Variants in SLC25A26 observed in about 807,000 individuals in gnomAD.
SLC25A26 encodes the protein solute carrier family 25 member 26.
In SLC25A26, 36 loss-of-function variants were observed where a neutral mutation model predicts 37.8. The ratio of observed to expected loss-of-function variants is 0.95; its 90% CI spans 0.73 to 1.26. The LOEUF is 1.26. Ranked by LOEUF, SLC25A26 falls within the 50% of genes most tolerant of loss-of-function variation. SLC25A26 has a pLI of 0.00. For synonymous variants in SLC25A26, 129 were observed against 122.5 expected, an observed-to-expected ratio of 1.05 and a Z score of -0.35; for missense variants, 390 against 331.1, an observed-to-expected ratio of 1.18 and a Z score of -1.38.
intron 1 of SLC25A26, among the ~76,000 whole-genome samples, chr3:66,213,555 G>T (rs2071316701): frequency 6.6e-6 from 1 of 151,726 alleles, no homozygotes; most frequent in Non-Finnish European, 1.5e-5. Flanking sequence ...CCCCATACAT[G>T]CACAGCCTAT....
chr3:66,197,636 A>C (rs1258575753), intron 1 of SLC25A26, among the ~76,000 whole-genome samples: 1 of 152,066 alleles, frequency 6.6e-6, no homozygotes, highest in African/African-American at 2.4e-5. Flanking sequence ...GGTGAACTTG[A>C]GTGTCTGGTT....
intron 5 of SLC25A26, among the ~76,000 whole-genome samples, chr3:66,282,741 G>T (rs13070305): frequency 0.16 from 24,495 of 152,170 alleles, 2,380 homozygotes; most frequent in Non-Finnish European, 0.22. Flanking sequence ...CCGGTGTTCA[G>T]TGCTGTGAAT....
At chr3:66,236,044 T>C (rs2072263221) in intron 1 of SLC25A26, among the ~76,000 whole-genome samples, 1 of 152,106 alleles carries the variant, frequency 6.6e-6, no homozygotes, top group Non-Finnish European at 1.5e-5. Context: ...TCCAAGTAGC[T>C]GGACCTACAG....
upstream of SLC25A26, among the ~76,000 whole-genome samples, chr3:66,218,183 ATTG>A (rs1158246834): frequency 6.6e-6 from 1 of 151,120 alleles, no homozygotes; most frequent in Non-Finnish European, 1.5e-5. Context: ...ATGTCCGTTT[ATTG>A]TTGAGTGATG....
chr3:66,149,058 G>A (rs1401004152), intron 1 of SLC25A26, among the ~76,000 whole-genome samples: 1 of 152,176 alleles, frequency 6.6e-6, no homozygotes, highest in African/African-American at 2.4e-5. Flanking sequence ...TTCCTTTGCT[G>A]TGGGGTGCGG....
intron 5 of SLC25A26, among the ~76,000 whole-genome samples, chr3:66,302,477 T>C (rs1372221760): frequency 6.7e-6 from 1 of 148,174 alleles, no homozygotes; most frequent in African/African-American, 2.6e-5. Context: ...TCCTGTTGTT[T>C]TGACACTTTT....
At chr3:66,206,484 A>G (rs2071178739) in intron 1 of SLC25A26, among the ~76,000 whole-genome samples, 1 of 152,180 alleles carries the variant, frequency 6.6e-6, no homozygotes, top group Non-Finnish European at 1.5e-5. Flanking sequence ...GCACATTCAC[A>G]GGGATGTCTG....
Position 66,221,024 on chromosome 3 carries a change from G to C in SLC25A26, c.-71G>C. On this transcript the variant is annotated 5_prime_UTR_variant, in exon 1 of 10. Transcript: ENST00000354883. ...ACAGACCCGCCTCAAACATGGCGGC[G>C]CCCAGCGCGCGAGGACGTGATCCGC... The C allele has an allele frequency of 6.7e-7, 1 of 1,498,820 alleles. No homozygotes were observed. The highest frequency in any genetic ancestry group is 2.5e-5 in the East Asian group (1 of 40,462). 92.8% of individuals were successfully genotyped at this position (1,498,820 alleles called of 1,614,324 possible). A position where few individuals can be genotyped will look rare whatever the true frequency, so the allele number is the denominator to read the frequency against.
intron 5 of SLC25A26, among the ~76,000 whole-genome samples, chr3:66,327,168 T>A (rs1482069532): frequency 6.6e-6 from 1 of 152,182 alleles, no homozygotes; most frequent in African/African-American, 2.4e-5. Context: ...GTGCTCAATT[T>A]CCCTCCTCAC....
intron 5 of SLC25A26, among the ~76,000 whole-genome samples, chr3:66,316,964 G>T (rs1378670305): frequency 6.6e-6 from 1 of 152,102 alleles, no homozygotes; most frequent in South Asian, 2.1e-4. Flanking sequence ...GGTCATTTAT[G>T]TTCATCTCTA....
intron 1 of SLC25A26, among the ~76,000 whole-genome samples, chr3:66,188,954 A>G (rs890525710): frequency 0.13 from 19,827 of 151,858 alleles, 1,670 homozygotes; most frequent in African/African-American, 0.23. Context: ...CAATGACCCT[A>G]ATCTTTAATT....
chr3:66,209,365 A>G (rs1269273039), intron 1 of SLC25A26, among the ~76,000 whole-genome samples: 4 of 139,706 alleles, frequency 2.9e-5, no homozygotes, highest in African/African-American at 7.7e-5. Flanking sequence ...ATCTGTATGT[A>G]TATATATACA....
intron 1 of SLC25A26, among the ~76,000 whole-genome samples, chr3:66,148,767 A>G (rs75435336): frequency 0.088 from 13,464 of 152,230 alleles, 751 homozygotes; most frequent in Middle Eastern, 0.17. Flanking sequence ...GATGTTGCCC[A>G]GGCTGGTCTC....
At chr3:66,312,143 A>G (rs540090650) in intron 5 of SLC25A26, among the ~76,000 whole-genome samples, 6 of 152,284 alleles carry the variant, frequency 3.9e-5, no homozygotes, top group Admixed American at 2.0e-4. Flanking sequence ...AGTTTTATCT[A>G]TAAGCACCTG....
intron 5 of SLC25A26, among the ~76,000 whole-genome samples, chr3:66,293,959 T>C (rs1042747323): frequency 3.3e-5 from 5 of 152,156 alleles, no homozygotes; most frequent in Non-Finnish European, 7.4e-5. Context: ...GTGAGGCCTT[T>C]AAGTTTGTTC....
intron 6 of SLC25A26, among the ~76,000 whole-genome samples, chr3:66,359,136 A>G (rs1385172979): frequency 6.6e-6 from 1 of 151,986 alleles, no homozygotes; most frequent in African/African-American, 2.4e-5. Context: ...ATCTGTGGAG[A>G]TTCTGTTTTT....
intron 2 of SLC25A26, among the ~76,000 whole-genome samples, chr3:66,240,268 T>G (rs2072510310): frequency 6.6e-6 from 1 of 152,164 alleles, no homozygotes; most frequent in African/African-American, 2.4e-5. Flanking sequence ...CAGTTAATTT[T>G]GTGCAGTTAT....
rs912839810 is a variant in SLC25A26 at position 66,185,250 on chromosome 3, C to G, written c.-353-35492C>G. Among the ~76,000 whole-genome samples the G allele has an allele frequency of 3.9e-4, 60 of 152,290 alleles. No homozygotes were observed. In the East Asian group the frequency reaches 5.2e-3, roughly 13 times the overall value. On this transcript the variant is annotated intron_variant, in intron 1 of 10. Coordinates refer to the SLC25A26 transcript ENST00000676754. ...TGGATCATTTCACTTAGTATAATAA[C>G]CTTGAGATTCATCCATGTAGTAGCA...
At chr3:66,185,441 C>T (rs1452334597) in intron 1 of SLC25A26, among the ~76,000 whole-genome samples, 1 of 152,188 alleles carries the variant, frequency 6.6e-6, no homozygotes, top group African/African-American at 2.4e-5. Context: ...TGAGACCCTA[C>T]TTTCAATTCT....
Sources: gnomAD v4.1 joint callset for allele counts (sites outside exome capture counted in the v4.1 genomes callset) on GRCh38, gnomAD v4.1.1 for gene constraint, MANE v1.5 for transcripts, NCBI Gene and HGNC (gene_info 2026-07-23, HGNC 2026-07-21) for gene names.